The following SMARCA2 variants were observed in gnomAD, a reference collection of about 807,000 sequenced individuals.
SMARCA2 encodes the protein SWI/SNF related BAF chromatin remodeling complex subunit ATPase 2.
A neutral mutation model predicts 199.8 loss-of-function variants in SMARCA2; 61 were observed. The observed-to-expected ratio is 0.31, with a 90% CI of 0.25 to 0.38. The LOEUF is 0.38. Among genes scored for constraint, SMARCA2 ranks in the 10% least tolerant of loss-of-function variants. The pLI is 1.00. For missense variants in SMARCA2, 1,344 were observed against 2,012.2 expected, an observed-to-expected ratio of 0.67 and a Z score of 6.35; for synonymous variants, 935 against 732.0, an observed-to-expected ratio of 1.28 and a Z score of -4.48.
Position 2,165,790 on chromosome 9 carries a change from A to C in SMARCA2, c.4199+3887A>C, listed in dbSNP as rs572796196. Among the ~76,000 whole-genome samples, 5 of 152,230 alleles carry C rather than the reference A, an allele frequency of 3.3e-5. No homozygotes were observed. In the South Asian group the frequency reaches 1.0e-3, roughly 32 times the overall value. ...GAGTAGAGTCTGTGGAGCTATTCCA[A>C]CTCTAGAGACATGGCTTTCAGTTAC... On this transcript the variant is annotated intron_variant, in intron 28 of 33. Transcript: ENST00000349721.
At chr9:2,047,740 T>C in intron 5 of SMARCA2, 1 of 268,026 alleles carries the variant, frequency 3.7e-6, no homozygotes, top group Non-Finnish European at 6.8e-6. Flanking sequence ...GAATACACTG[T>C]CCGTGTTTGT....
At chr9:2,188,149 C>A (rs943368724) in intron 32 of SMARCA2, among the ~76,000 whole-genome samples, 3 of 152,030 alleles carry the variant, frequency 2.0e-5, no homozygotes, top group Non-Finnish European at 4.4e-5. Context: ...TGAACACTTT[C>A]CATGGCAATG....
intron 27 of SMARCA2, among the ~76,000 whole-genome samples, chr9:2,128,929 GCATAGTCCCCAACAA>G (rs1823815101): frequency 6.6e-6 from 1 of 152,134 alleles, no homozygotes; most frequent in South Asian, 2.1e-4. Context: ...AAGTTAAAGT[GCATAGTCCCCAACAA>G]CACTGCCCTG....
At chr9:2,125,771 T>A (rs1386560904) in intron 27 of SMARCA2, among the ~76,000 whole-genome samples, 2 of 152,232 alleles carry the variant, frequency 1.3e-5, no homozygotes, top group Non-Finnish European at 2.9e-5. Context: ...ATTACAGGCG[T>A]GAGCCACCGT....
intron 27 of SMARCA2, among the ~76,000 whole-genome samples, chr9:2,130,160 A>T (rs1823876806): frequency 6.6e-6 from 1 of 152,160 alleles, no homozygotes. Context: ...AGCCTGACAG[A>T]TTCTTTATTA....
chr9:2,032,989 A>G lies in SMARCA2; in HGVS notation c.263A>G (p.Asp88Gly), dbSNP rs1234210098. The G allele has an allele frequency of 1.2e-6, 2 of 1,613,838 alleles. No homozygotes were observed. The highest frequency in any genetic ancestry group is 1.7e-6 in the Non-Finnish European group (2 of 1,179,804). ...ATACATGACAAGGGGATTGTAGAAG[A>G]CATCCATTGTGGATCCATGAAGGGC... is the stretch of plus-strand genomic sequence containing the variant. Reference protein sequence around the residue: ...DGIHDKGIVEDIHCGSMKGTG... With the variant: ...DGIHDKGIVEGIHCGSMKGTG... Residue 88 changes from aspartate (D) to glycine (G), a missense_variant, in exon 3 of 34, where the codon GAC becomes GGC. Transcript: ENST00000349721.
chr9:2,183,804 G>A (rs763484709), intron 31 of SMARCA2, among the ~76,000 whole-genome samples: 2 of 152,170 alleles, frequency 1.3e-5, no homozygotes, highest in African/African-American at 2.4e-5. Flanking sequence ...GAAAGTAGAA[G>A]AATCAACAAA....
chr9:2,090,505 G>A (rs990372314), intron 19 of SMARCA2, among the ~76,000 whole-genome samples: 1 of 152,162 alleles, frequency 6.6e-6, no homozygotes, highest in Non-Finnish European at 1.5e-5. Flanking sequence ...ATGGGTCTTA[G>A]TGTTCTCATC....
rs182431394 is a variant in SMARCA2, at chr9:2,058,787, A to G, written c.1521+323A>G. ...GATAACCAGATCTGGAAGGATGGCA[A>G]ATGCAGTTCTTTTAAAAATATGGCC... On this transcript the variant is annotated intron_variant, in intron 8 of 33. Transcript: ENST00000349721. 1.1e-4 allele frequency among the ~76,000 whole-genome samples: 16 copies of G among 152,260 alleles called. No homozygotes were observed. The East Asian group carries it at 3.1e-3, about 29-fold the overall frequency.
At chr9:2,102,338 T>G (rs1822557289) in intron 22 of SMARCA2, among the ~76,000 whole-genome samples, 2 of 152,212 alleles carry the variant, frequency 1.3e-5, no homozygotes, top group Non-Finnish European at 2.9e-5. Context: ...CTGTGGTTAC[T>G]CCTGCTCCCA....
At chr9:2,183,271 CTA>C (rs1827188128) in intron 31 of SMARCA2, among the ~76,000 whole-genome samples, 2 of 152,140 alleles carry the variant, frequency 1.3e-5, no homozygotes, top group Non-Finnish European at 2.9e-5. Context: ...ACAAAACAAA[CTA>C]TAGGAAAAAA....
At chr9:2,163,570 C>G (rs1825793672) in intron 28 of SMARCA2, among the ~76,000 whole-genome samples, 1 of 152,220 alleles carries the variant, frequency 6.6e-6, no homozygotes, top group South Asian at 2.1e-4. Flanking sequence ...GCCGTATTTT[C>G]TCAGTCCCTG....
intron 27 of SMARCA2, among the ~76,000 whole-genome samples, chr9:2,156,679 C>T (rs532858593): frequency 6.6e-6 from 1 of 152,128 alleles, no homozygotes; most frequent in African/African-American, 2.4e-5. Context: ...GATTGACCTG[C>T]TTTGGCCTCC....
chr9:2,127,751 G>GT (rs1823760322), intron 27 of SMARCA2, among the ~76,000 whole-genome samples: 1 of 152,202 alleles, frequency 6.6e-6, no homozygotes, highest in Non-Finnish European at 1.5e-5. Context: ...CCCTGCCTCA[G>GT]CACACTTAGG....
At chr9:2,190,914 C>A (rs1016026972) in intron 32 of SMARCA2, among the ~76,000 whole-genome samples, 2 of 152,104 alleles carry the variant, frequency 1.3e-5, no homozygotes, top group Admixed American at 6.6e-5. Context: ...TGTAAAAGTT[C>A]TATTAAATGA....
At chr9:2,098,646 A>C (rs1206772166) in intron 21 of SMARCA2, among the ~76,000 whole-genome samples, 2 of 152,136 alleles carry the variant, frequency 1.3e-5, no homozygotes, top group Non-Finnish European at 2.9e-5. Context: ...CAGCAACAAC[A>C]CTTTAAAAAT....
chr9:2,036,196 G>A (rs998363665), intron 3 of SMARCA2, among the ~76,000 whole-genome samples: 1 of 152,032 alleles, frequency 6.6e-6, no homozygotes, highest in Non-Finnish European at 1.5e-5. Context: ...GTGTGTGTGT[G>A]TGTGTGTTTG....
intron 31 of SMARCA2, among the ~76,000 whole-genome samples, chr9:2,183,027 G>A (rs1005472534): frequency 6.6e-6 from 1 of 152,270 alleles, no homozygotes; most frequent in African/African-American, 2.4e-5. Flanking sequence ...CTGACCTCAG[G>A]TGATCTGCCC....
chr9:2,077,144 G>C (rs970628782), intron 13 of SMARCA2, among the ~76,000 whole-genome samples: 1 of 152,054 alleles, frequency 6.6e-6, no homozygotes. Context: ...ACAGAAGATA[G>C]AAGCCTACCT....
Sources: allele counts gnomAD v4.1 joint callset (sites outside exome capture counted in the v4.1 genomes callset), GRCh38; gene constraint gnomAD v4.1.1; transcripts MANE v1.5; gene names NCBI Gene and HGNC (gene_info 2026-07-23, HGNC 2026-07-21).